Variants in IKZF3 observed in about 807,000 individuals in gnomAD.
IKZF3 encodes IKAROS family zinc finger 3.
IKZF3 carries 10 observed loss-of-function variants against 49.0 expected under a neutral mutation model. The ratio of observed to expected loss-of-function variants is 0.20; its 90% CI spans 0.13 to 0.35. IKZF3 has a LOEUF of 0.35. Among genes scored for constraint, IKZF3 ranks in the 10% least tolerant of loss-of-function variants. The pLI, the probability that IKZF3 is intolerant of heterozygous loss-of-function variation, is 1.00. For missense variants in IKZF3, 498 were observed against 664.8 expected, an observed-to-expected ratio of 0.75 and a Z score of 2.76; for synonymous variants, 209 against 228.2, an observed-to-expected ratio of 0.92 and a Z score of 0.76.
intron 1 of IKZF3, among the ~76,000 whole-genome samples, chr17:39,850,041 A>G (rs915595782): frequency 1.4e-5 from 2 of 145,690 alleles, no homozygotes; most frequent in Non-Finnish European, 3.0e-5. Flanking sequence ...GTGTATATAT[A>G]TAATATATAG....
intron 1 of IKZF3, chr17:39,835,526 A>T: frequency 2.3e-6 from 1 of 431,222 alleles, no homozygotes; most frequent in Non-Finnish European, 4.6e-6. Context: ...TGTGCTTCCC[A>T]GGCAGGGTCT....
chr17:39,829,242 C>T (rs1370068429), intron 3 of IKZF3, 145 bp downstream of exon 3: 1 of 558,492 alleles, frequency 1.8e-6, no homozygotes, highest in Non-Finnish European at 3.2e-6. Flanking sequence ...CTATGAAATG[C>T]AAATATTTGT....
intron 7 of IKZF3, among the ~76,000 whole-genome samples, chr17:39,775,225 C>T (rs2060548946): frequency 6.6e-6 from 1 of 152,202 alleles, no homozygotes; most frequent in Admixed American, 6.5e-5. Flanking sequence ...AAAATTCCCC[C>T]AGTTATTCTG....
chr17:39,766,593 G>C (rs2060299661), intron 7 of IKZF3, 100 bp from the exon 8 acceptor site: 2 of 993,250 alleles, frequency 2.0e-6, no homozygotes, highest in Admixed American at 2.5e-5. Context: ...GAGTTAAGTT[G>C]CCTGCTGCTC....
intron 3 of IKZF3, among the ~76,000 whole-genome samples, chr17:39,815,403 C>T (rs2061656537): frequency 6.6e-6 from 1 of 152,182 alleles, no homozygotes; most frequent in African/African-American, 2.4e-5. Flanking sequence ...TTATCTCTAC[C>T]TAGTTAATAT....
chr17:39,796,128 A>G lies in IKZF3; in HGVS notation c.164-3195T>C, dbSNP rs1218897799. ...ATATTAGGCTTAGTACTCAGCCTCC[A>G]AACACAGTCCACCAAAACCAGGAAA... is the stretch of plus-strand genomic sequence containing the variant. On this transcript the variant is annotated intron_variant, in intron 3 of 7. Transcript: ENST00000346872. 2.0e-5 allele frequency among the ~76,000 whole-genome samples: 3 copies of G among 152,188 alleles called. No individual in the cohort carries two copies. The East Asian group carries it at 5.8e-4, about 29-fold the overall frequency.
intron 3 of IKZF3, among the ~76,000 whole-genome samples, chr17:39,825,186 T>C (rs2061925287): frequency 6.6e-6 from 1 of 152,170 alleles, no homozygotes; most frequent in South Asian, 2.1e-4. Context: ...CATAGCAGCA[T>C]GAGAACAGAC....
At chr17:39,810,616 CAAAA>C (rs36003163) in intron 3 of IKZF3, among the ~76,000 whole-genome samples, 19 of 79,360 alleles carry the variant, frequency 2.4e-4, no homozygotes, top group Non-Finnish European at 3.0e-4. Context: ...GTATCTGCAG[CAAAA>C]AAAAAAAAAA....
At chr17:39,768,601 T>C (rs1252727086) in intron 7 of IKZF3, among the ~76,000 whole-genome samples, 1 of 152,204 alleles carries the variant, frequency 6.6e-6, no homozygotes, top group Admixed American at 6.5e-5. Context: ...GCAAGTCACT[T>C]AACCTATGTT....
In IKZF3 at chr17:39,765,910, G is replaced by A. The variant is rs746352406; in HGVS notation, c.1410C>T (p.His470=). 1 of 1,614,256 alleles carries A rather than the reference G, an allele frequency of 6.2e-7. No homozygotes were observed. Among genetic ancestry groups the A allele is most frequent in the South Asian group, 1.1e-5 (1 of 91,082 alleles). ...LFLDYVMFTI[H]MGCHGFRDPF... ...GGTCACGGAAGCCGTGGCAGCCCATGTGAATCGTGAACATCACATAGTCCA... is the reference window on the plus strand; with the variant it reads ...GGTCACGGAAGCCGTGGCAGCCCATATGAATCGTGAACATCACATAGTCCA... The change falls in exon 8 of 8, where the codon CAC becomes CAT. Residue 470 remains histidine, a synonymous_variant. Coordinates refer to ENST00000346872, the MANE Select transcript of IKZF3 (RefSeq NM_012481.5).
At chr17:39,844,092 C>T (rs1212195892) in intron 1 of IKZF3, among the ~76,000 whole-genome samples, 1 of 152,130 alleles carries the variant, frequency 6.6e-6, no homozygotes, top group East Asian at 1.9e-4. Flanking sequence ...ACTTCAGTCC[C>T]CCCTAACAAA....
chr17:39,782,530 T>C (rs997153607), intron 6 of IKZF3, among the ~76,000 whole-genome samples: 2 of 152,208 alleles, frequency 1.3e-5, no homozygotes, highest in East Asian at 1.9e-4. Flanking sequence ...AAGAGGACTA[T>C]TGGCTTTTGG....
intron 3 of IKZF3, among the ~76,000 whole-genome samples, chr17:39,819,070 G>A (rs776629614): frequency 1.3e-5 from 2 of 152,146 alleles, no homozygotes; most frequent in African/African-American, 4.8e-5. Flanking sequence ...GAGGTAAGGC[G>A]ATACTATTGT....
At position 39,795,155 on chromosome 17, in the gene IKZF3, C is replaced by T. The variant is rs756563016; in HGVS notation, c.164-2222G>A. On this transcript the variant is annotated intron_variant, in intron 3 of 7. Transcript: ENST00000346872. The stretch of plus-strand genomic sequence containing the variant: ...CCCTCAGGATTTTGGCTTTAGTTGG[C>T]CTGACCTGGAATTCAATACGACACC... Among the ~76,000 whole-genome samples the T allele has an allele frequency of 7.8e-4, 119 of 152,098 alleles. 2 individuals are homozygous for T. Among genetic ancestry groups the T allele is most frequent in the Non-Finnish European group, 3.2e-4 (22 of 68,002 alleles).
chr17:39,777,541 AATTATTTTAACAGAGGTTAAGCTAGG>A, intron 7 of IKZF3, 84 bp downstream of exon 7: 1 of 677,684 alleles, frequency 1.5e-6, no homozygotes, highest in Non-Finnish European at 2.5e-6. Context: ...ATGAAAAACT[AATTATTTTAACAGAGGTTAAGCTAGG>A]AAAGGCCTTG....
intron 3 of IKZF3, among the ~76,000 whole-genome samples, chr17:39,799,858 G>T (rs1165293814): frequency 6.6e-6 from 1 of 152,028 alleles, no homozygotes; most frequent in Non-Finnish European, 1.5e-5. Flanking sequence ...ATGTTTCTTT[G>T]TTCTCATACA....
At chr17:39,822,875 C>T (rs750974963) in intron 3 of IKZF3, among the ~76,000 whole-genome samples, 6 of 152,176 alleles carry the variant, frequency 3.9e-5, no homozygotes, top group Non-Finnish European at 7.3e-5. Context: ...AGCCACCGTG[C>T]CCAGCTGGGT....
At chr17:39,828,449 G>A (rs1472026719) in intron 3 of IKZF3, among the ~76,000 whole-genome samples, 2 of 152,202 alleles carry the variant, frequency 1.3e-5, no homozygotes, top group African/African-American at 4.8e-5. Context: ...TAAACAGTAA[G>A]AAGGAGGAAG....
chr17:39,861,662 C>G (rs1050344175), intron 1 of IKZF3, among the ~76,000 whole-genome samples: 2 of 151,976 alleles, frequency 1.3e-5, no homozygotes, highest in Admixed American at 6.6e-5. Flanking sequence ...TGGAAAGGGA[C>G]CTGAAACAAA....
Sources: gnomAD v4.1 joint callset for allele counts (sites outside exome capture counted in the v4.1 genomes callset) on GRCh38, gnomAD v4.1.1 for gene constraint, MANE v1.5 for transcripts, NCBI Gene and HGNC (gene_info 2026-07-23, HGNC 2026-07-21) for gene names.